Variants in NAA35 observed in about 807,000 individuals in gnomAD.
NAA35 encodes the protein N-alpha-acetyltransferase 35, NatC auxiliary subunit.
NAA35 carries 18 observed loss-of-function variants against 101.7 expected under a neutral mutation model. The ratio of observed to expected loss-of-function variants is 0.18; its 90% confidence interval spans 0.12 to 0.26. The LOEUF (loss-of-function observed/expected upper bound fraction) is 0.26, where lower values mean the gene tolerates loss of function less well. NAA35 is among the 10% of genes least tolerant of loss of function. The probability of loss-of-function intolerance (pLI) is 1.00; values close to 1 mark genes in which losing one functional copy is unlikely to be tolerated. For synonymous variants in NAA35, 267 were observed against 273.1 expected, an observed-to-expected ratio of 0.98 and a Z score of 0.22; for missense variants, 601 against 886.8, an observed-to-expected ratio of 0.68 and a Z score of 4.09.
intron 6 of NAA35, 76 bp from the exon 7 acceptor site, chr9:85,974,891 A>T: frequency 1.0e-6 from 1 of 988,766 alleles, no homozygotes; most frequent in Non-Finnish European, 1.6e-6. Context: ...AGAGAAATAT[A>T]AAGAAAAGTT....
intron 22 of NAA35, among the ~76,000 whole-genome samples, 189 bp from the exon 23 acceptor site, chr9:86,021,712 A>G (rs1832566900): frequency 1.3e-5 from 2 of 152,218 alleles, no homozygotes; most frequent in Non-Finnish European, 2.9e-5. Flanking sequence ...ATAAAACTCA[A>G]AAACAAATTA....
intron 6 of NAA35, among the ~76,000 whole-genome samples, chr9:85,967,760 C>T (rs1385284555): frequency 1.3e-5 from 2 of 151,766 alleles, no homozygotes; most frequent in Admixed American, 1.3e-4. Context: ...TGAGATCCTG[C>T]CACTGCACTC....
chr9:85,970,203 A>G lies in NAA35; in HGVS notation c.517-4764A>G, dbSNP rs563387926. Among the ~76,000 whole-genome samples, 5 of 152,356 alleles carry G rather than the reference A, an allele frequency of 3.3e-5. No individual in the cohort carries two copies. The East Asian group carries it at 7.7e-4, about 23-fold the overall frequency. On this transcript the variant is annotated intron_variant, in intron 6 of 22. Coordinates refer to ENST00000361671, the MANE Select transcript of NAA35 (RefSeq NM_024635.4). ...GTAAGCCACATGTATAGTTCGATTT[A>G]GTGTTCTAGTGGCCATGGGTGAAAA...
intron 15 of NAA35, 74 bp downstream of exon 15, chr9:86,010,005 C>T (rs1286315230): frequency 8.5e-7 from 1 of 1,181,080 alleles, no homozygotes; most frequent in South Asian, 1.3e-5. Flanking sequence ...CGGTGGCTCA[C>T]TTTGGGAGGC....
intron 15 of NAA35, 102 bp from the exon 16 acceptor site, chr9:86,012,944 G>A (rs937721545): frequency 1.5e-6 from 1 of 655,220 alleles, no homozygotes; most frequent in East Asian, 2.9e-5. Context: ...TACATACACA[G>A]CATTTTTTTC....
intron 15 of NAA35, among the ~76,000 whole-genome samples, chr9:86,011,869 TTAAATATA>T: frequency 1.4e-5 from 2 of 142,854 alleles, no homozygotes; most frequent in Middle Eastern, 7.2e-3. Context: ...TTAAACTTAT[TTAAATATA>T]TAAATATATA....
At chr9:85,964,666 A>AT (rs1197651786) in intron 6 of NAA35, among the ~76,000 whole-genome samples, 2 of 152,182 alleles carry the variant, frequency 1.3e-5, no homozygotes, top group Admixed American at 6.5e-5. Flanking sequence ...TCATTTCTTA[A>AT]TAGGCTATGC....
rs1303698547 is a variant in NAA35 at position 86,020,851 on chromosome 9, GAAGTTAA to G, written c.2038-37_2038-31del. 4.0e-6 allele frequency: 6 copies of G among 1,499,682 alleles called. No individual in the cohort carries two copies. In the Admixed American group the frequency reaches 6.9e-5, roughly 17 times the overall value. The allele number at this position is 1,499,682 out of a possible 1,614,324, so 92.9% of individuals were successfully genotyped here. On this transcript the variant is annotated intron_variant, in intron 21 of 22. Transcript: ENST00000361671. ...AAAGAAAAAGAGAAATTTTGACTAT[GAAGTTAA>G]TGTTTCAGTAGTTTTATGTTCATGT...
rs41316476 is a variant in NAA35, at chr9:86,009,989, C to T, written c.1290+58C>T. On this transcript the variant is annotated intron_variant, in intron 15 of 22. Coordinates refer to ENST00000361671, the MANE Select transcript of NAA35 (RefSeq NM_024635.4). Reference sequence around the variant, plus strand: ...TACTTTAAAAATCATGGGCTGTGGCCGGGCACGGTGGCTCACTTTGGGAGG... The same window carrying T: ...TACTTTAAAAATCATGGGCTGTGGCTGGGCACGGTGGCTCACTTTGGGAGG... 4,285 of 1,410,146 alleles carry T rather than the reference C, an allele frequency of 3.0e-3. 8 individuals carry two copies. Among genetic ancestry groups the T allele is most frequent in the Non-Finnish European group, 3.8e-3 (3,781 of 997,098 alleles). 87.4% of individuals were successfully genotyped at this position (1,410,146 alleles called of 1,614,324 possible).
intron 2 of NAA35, among the ~76,000 whole-genome samples, chr9:85,952,639 GTT>G (rs920758906): frequency 1.7e-4 from 25 of 151,242 alleles, no homozygotes; most frequent in Non-Finnish European, 2.4e-4. Context: ...CAGCAGAAGT[GTT>G]TGTCTGCTTC....
chr9:85,984,109 C>T (rs1390149510), intron 11 of NAA35, among the ~76,000 whole-genome samples: 1 of 151,318 alleles, frequency 6.6e-6, no homozygotes, highest in Admixed American at 6.6e-5. Context: ...AGGAAGATTG[C>T]ATGAGGCCAG....
intron 11 of NAA35, among the ~76,000 whole-genome samples, chr9:85,984,284 G>A (rs894707119): frequency 4.6e-5 from 7 of 152,146 alleles, no homozygotes; most frequent in Admixed American, 2.0e-4. Flanking sequence ...AGCTATGATT[G>A]TACCACTGCA....
intron 2 of NAA35, among the ~76,000 whole-genome samples, chr9:85,947,003 A>G (rs1284096186): frequency 1.3e-5 from 2 of 152,080 alleles, no homozygotes; most frequent in Non-Finnish European, 2.9e-5. Context: ...TAGGTGCTCA[A>G]TATATATATT....
rs113466696 is a variant in NAA35 at position 86,018,278 on chromosome 9, C to T, written c.1797C>T (p.Asp599=). The T allele has an allele frequency of 2.5e-4, 400 of 1,613,090 alleles. 2 individuals carry two copies. In the African/African-American group the frequency reaches 4.2e-3, roughly 17 times the overall value. Residue 599 remains aspartate (D), a synonymous_variant, in exon 20 of 23, where the codon GAC becomes GAT. Coordinates refer to ENST00000361671, the MANE Select transcript of NAA35 (RefSeq NM_024635.4). The part of the protein sequence containing the change: ...MFKTMVAFDM[D]GKVRKPKFEL... Reference sequence around the variant, plus strand: ...AGACCATGGTAGCATTTGACATGGACGGCAAAGTACGTAAACCGAAGTTTG... The same window carrying T: ...AGACCATGGTAGCATTTGACATGGATGGCAAAGTACGTAAACCGAAGTTTG...
intron 2 of NAA35, among the ~76,000 whole-genome samples, chr9:85,951,487 G>A (rs980006078): frequency 1.3e-5 from 2 of 152,152 alleles, no homozygotes; most frequent in African/African-American, 4.8e-5. Context: ...TTGCAGTCTG[G>A]AATCTGAAAC....
At chr9:85,943,333 A>G (rs1828606092) in intron 2 of NAA35, among the ~76,000 whole-genome samples, 1 of 152,172 alleles carries the variant, frequency 6.6e-6, no homozygotes, top group African/African-American at 2.4e-5. Flanking sequence ...GTTAGGATGA[A>G]GATAAAAGTA....
chr9:85,991,304 G>T (rs973528232), intron 11 of NAA35, among the ~76,000 whole-genome samples: 1 of 152,104 alleles, frequency 6.6e-6, no homozygotes. Flanking sequence ...GTAAATTCAT[G>T]GAGGTGGTTG....
intron 21 of NAA35, 55 bp from the exon 22 acceptor site, chr9:86,020,834 A>G: frequency 2.9e-6 from 4 of 1,357,826 alleles, no homozygotes; most frequent in Non-Finnish European, 4.2e-6. Context: ...AAAAAGAAAA[A>G]GAGAAATTTT....
chr9:85,953,631 A>G (rs1183408216), intron 2 of NAA35, among the ~76,000 whole-genome samples: 2 of 151,728 alleles, frequency 1.3e-5, no homozygotes, highest in Admixed American at 6.6e-5. Context: ...GTTTCACCAC[A>G]TTGGCCAGGC....
Sources: gnomAD v4.1 joint callset for allele counts (sites outside exome capture counted in the v4.1 genomes callset) on GRCh38, gnomAD v4.1.1 for gene constraint, MANE v1.5 for transcripts, NCBI Gene and HGNC (gene_info 2026-07-23, HGNC 2026-07-21) for gene names.